The following PARVB variants were observed in gnomAD, a reference collection of about 807,000 sequenced individuals.
PARVB encodes the protein beta-parvin.
A neutral mutation model predicts 47.0 loss-of-function variants in PARVB; 46 were observed. The observed-to-expected ratio is 0.98, with a 90% confidence interval of 0.77 to 1.25. PARVB has a LOEUF of 1.25. Ranked by LOEUF, PARVB falls within the 50% of genes most tolerant of loss-of-function variation. The pLI is 0.00. For missense variants in PARVB, 473 were observed against 471.6 expected (o/e 1.00, Z -0.03); for synonymous variants, 196 against 196.3 (o/e 1.00, Z 0.01).
Position 44,049,788 on chromosome 22 carries a change from G to A in PARVB, c.112+25337G>A, listed in dbSNP as rs1474738878. Among the ~76,000 whole-genome samples the A allele has an allele frequency of 6.6e-6, 1 of 152,234 alleles. No individual in the cohort carries two copies. Among genetic ancestry groups the A allele is most frequent in the East Asian group, 1.9e-4 (1 of 5,198 alleles). Reference sequence around the variant, plus strand: ...AAGCAGGAGACCTCTGCCCGGGAACGGGCCATTTGGGGGCTCAGCCATCTG... The same window carrying A: ...AAGCAGGAGACCTCTGCCCGGGAACAGGCCATTTGGGGGCTCAGCCATCTG... On this transcript the variant is annotated intron_variant, in intron 1 of 12. Coordinates refer to ENST00000338758, the MANE Select transcript of PARVB (RefSeq NM_013327.5). The surrounding 1 kb of genome is among the most constrained non-coding windows in gnomAD (Gnocchi z 4.0).
intron 8 of PARVB, chr22:44,147,249 T>C (rs1003230526): frequency 1.6e-5 from 3 of 191,896 alleles, no homozygotes; most frequent in East Asian, 1.2e-4. Context: ...GGAGAGAAGA[T>C]AGATTTTATT....
At chr22:44,055,890 G>A (rs1044587393) in intron 1 of PARVB, among the ~76,000 whole-genome samples, 1 of 152,176 alleles carries the variant, frequency 6.6e-6, no homozygotes, top group African/African-American at 2.4e-5. Context: ...AGGCCTATCC[G>A]CACTGGGGAG....
At chr22:43,999,653 C>A in exon 2 of PARVB, 11 of 1,613,384 alleles carry the variant, frequency 6.8e-6, no homozygotes, top group Non-Finnish European at 9.3e-6. Context: ...GTGGAAACAT[C>A]TGAATATGCT....
intron 2 of PARVB, among the ~76,000 whole-genome samples, chr22:44,098,143 G>C (rs138627001): frequency 6.6e-6 from 1 of 152,250 alleles, no homozygotes; most frequent in East Asian, 1.9e-4. Context: ...TTTTAGTGTG[G>C]GTTGAAGGGG....
chr22:44,075,828 T>C (rs770673346), intron 1 of PARVB, among the ~76,000 whole-genome samples: 6 of 152,242 alleles, frequency 3.9e-5, no homozygotes, highest in African/African-American at 7.2e-5. Context: ...GATCCATTTG[T>C]TCCCTGTTTG....
intron 1 of PARVB, chr22:44,086,922 C>A: frequency 2.6e-6 from 2 of 775,942 alleles, no homozygotes; most frequent in East Asian, 1.3e-4. Context: ...TGCTTAAGCC[C>A]AAGCGAAGGA....
At position 44,098,425 on chromosome 22, in the gene PARVB, GGA is replaced by G. The variant is rs991241337; in HGVS notation, c.203-1622_203-1621del. 1.9e-4 allele frequency among the ~76,000 whole-genome samples: 29 copies of G among 152,300 alleles called. 1 individual carries two copies. The highest frequency in any genetic ancestry group is 7.0e-4 in the African/African-American group (29 of 41,568). On this transcript the variant is annotated intron_variant, in intron 2 of 12. Transcript: ENST00000338758. Reference sequence around the variant, plus strand: ...GAAGGGTGAAGGAAACATGGGCCAGGGAGAGAGTGTCAGACAGCGGGAGCAGG... The same window carrying G: ...GAAGGGTGAAGGAAACATGGGCCAGGGAGAGTGTCAGACAGCGGGAGCAGG...
At chr22:44,005,854 A>G (rs1457822090) in intron 2 of PARVB, among the ~76,000 whole-genome samples, 1 of 152,254 alleles carries the variant, frequency 6.6e-6, no homozygotes, top group Non-Finnish European at 1.5e-5. Context: ...AGCCACTGCT[A>G]GAGCCTGCTC....
intron 1 of PARVB, among the ~76,000 whole-genome samples, chr22:44,035,434 G>A (rs572118350): frequency 1.7e-4 from 25 of 148,120 alleles, no homozygotes; most frequent in Non-Finnish European, 2.7e-4. Flanking sequence ...GCAATGGTGC[G>A]ATCTCGGCTC....
At chr22:44,158,628 G>T (rs544315470) in intron 11 of PARVB, among the ~76,000 whole-genome samples, 55 of 152,242 alleles carry the variant, frequency 3.6e-4, no homozygotes, top group Admixed American at 5.9e-4. Flanking sequence ...TCTCAAATAG[G>T]GTCAAATTTG....
At chr22:44,064,495 A>C (rs1235467651) in intron 1 of PARVB, among the ~76,000 whole-genome samples, 3 of 152,120 alleles carry the variant, frequency 2.0e-5, no homozygotes, top group African/African-American at 7.2e-5. Context: ...CGTGACCTTG[A>C]AGAAGGGGCA....
intron 1 of PARVB, among the ~76,000 whole-genome samples, chr22:44,035,819 T>C (rs1278736618): frequency 6.6e-6 from 1 of 151,802 alleles, no homozygotes. Context: ...TTTACTATGA[T>C]ATGGAATTTA....
intron 2 of PARVB, among the ~76,000 whole-genome samples, chr22:44,017,032 T>C (rs1569051610): frequency 1.3e-5 from 2 of 152,154 alleles, no homozygotes; most frequent in Non-Finnish European, 2.9e-5. Flanking sequence ...TGCACTGCCA[T>C]GTCCAGCTAA....
chr22:44,044,339 C>T (rs1180350001), intron 1 of PARVB, among the ~76,000 whole-genome samples: 4 of 151,820 alleles, frequency 2.6e-5, no homozygotes, highest in Non-Finnish European at 4.4e-5. Flanking sequence ...TACAGGCACC[C>T]GCCACAGTGC....
intron 4 of PARVB, among the ~76,000 whole-genome samples, chr22:44,122,779 C>G (rs1251109975): frequency 6.6e-6 from 1 of 152,118 alleles, no homozygotes; most frequent in Non-Finnish European, 1.5e-5. Context: ...TTTTACACAC[C>G]CTGCTTGTTT....
At chr22:44,002,725 T>A (rs2050425344) in intron 2 of PARVB, among the ~76,000 whole-genome samples, 1 of 152,162 alleles carries the variant, frequency 6.6e-6, no homozygotes, top group African/African-American at 2.4e-5. Flanking sequence ...GATTTCAGTT[T>A]GCGTAGTGAA....
chr22:44,157,828 A>C (rs1203120732), intron 10 of PARVB, among the ~76,000 whole-genome samples, 154 bp from the exon 11 acceptor site: 2 of 152,094 alleles, frequency 1.3e-5, no homozygotes, highest in African/African-American at 2.4e-5. Context: ...TGGGAGGCCG[A>C]GCTGCAGTGA....
chr22:44,031,789 C>T (rs1271655835), intron 1 of PARVB, among the ~76,000 whole-genome samples: 3 of 152,148 alleles, frequency 2.0e-5, no homozygotes, highest in Admixed American at 1.3e-4. Flanking sequence ...TAAGTGGGTT[C>T]ATCCCTGCTG....
At chr22:44,117,833 T>TA (rs11421071) in intron 3 of PARVB, among the ~76,000 whole-genome samples, 4 of 151,962 alleles carry the variant, frequency 2.6e-5, no homozygotes, top group African/African-American at 7.3e-5. Flanking sequence ...ATGAGATCAT[T>TA]TATTAGTTTT....
Sources: gnomAD v4.1 joint callset for allele counts (sites outside exome capture counted in the v4.1 genomes callset) on GRCh38, gnomAD v4.1.1 for gene constraint, Gnocchi (gnomAD v3.1) non-coding constraint, MANE v1.5 for transcripts, NCBI Gene and HGNC (gene_info 2026-07-23, HGNC 2026-07-21) for gene names.